The following TENM4 variants were observed in gnomAD, a reference collection of about 807,000 sequenced individuals.
TENM4 encodes the protein teneurin-4.
In TENM4, 82 loss-of-function variants were observed where a neutral mutation model predicts 243.3. The ratio of observed to expected loss-of-function variants is 0.34; its 90% confidence interval spans 0.28 to 0.40. TENM4 has a LOEUF of 0.40. Ranked by LOEUF, TENM4 falls within the 10% of genes least tolerant of loss-of-function variation. The pLI, the probability that TENM4 is intolerant of heterozygous loss-of-function variation, is 1.00. For missense variants in TENM4, 3,138 were observed against 3,673.3 expected (o/e 0.85, Z 3.77); for synonymous variants, 1,412 against 1,456.3 (o/e 0.97, Z 0.69).
intron 1 of TENM4, among the ~76,000 whole-genome samples, chr11:79,393,383 A>G (rs184302927): frequency 1.3e-5 from 2 of 152,226 alleles, no homozygotes; most frequent in East Asian, 3.9e-4. Flanking sequence ...CCTCATCTTC[A>G]CACTAAGTTA....
intron 2 of TENM4, among the ~76,000 whole-genome samples, chr11:79,297,200 C>A (rs1856469527): frequency 6.6e-6 from 1 of 152,194 alleles, no homozygotes; most frequent in Non-Finnish European, 1.5e-5. Flanking sequence ...ATAAGCCCCA[C>A]TATTCCCAGA....
chr11:78,776,307 TG>T (rs1301651312), intron 17 of TENM4, among the ~76,000 whole-genome samples: 2 of 152,160 alleles, frequency 1.3e-5, no homozygotes, highest in Non-Finnish European at 2.9e-5. Context: ...TCCAAGTTAG[TG>T]GGGTGGTTAC....
intron 6 of TENM4, among the ~76,000 whole-genome samples, chr11:78,982,585 G>A (rs1857824037): frequency 6.6e-6 from 1 of 152,150 alleles, no homozygotes; most frequent in African/African-American, 2.4e-5. Flanking sequence ...AATAGGCCCT[G>A]TGGCCCAGGG....
At position 78,669,620 on chromosome 11, in the gene TENM4, CG is replaced by C; in HGVS notation, c.6724del (p.Arg2242AlafsTer20). 3 of 1,613,924 alleles carry C rather than the reference CG, an allele frequency of 1.9e-6. No homozygotes were observed. The highest frequency in any genetic ancestry group is 2.5e-6 in the Non-Finnish European group (3 of 1,179,896). On this transcript the variant is annotated frameshift_variant, in exon 32 of 34. Coordinates refer to ENST00000278550, the MANE Select transcript of TENM4 (RefSeq NM_001098816.3). LOFTEE classifies it high-confidence loss of function. This position sits in a 1 kb window ranked among gnomAD's most constrained non-coding sequence, Gnocchi z 6.4. ...GTCACCCAGCCGAGTGATGCGGTCG[CG>C]GATGTCATACCGTAGTGGTGTGAGC... is the stretch of plus-strand genomic sequence containing the variant. ...ARLTPLRYDI[R>X]DRITRLGDVQ...
chr11:79,221,725 T>C (rs1177924952), intron 2 of TENM4, among the ~76,000 whole-genome samples: 1 of 152,178 alleles, frequency 6.6e-6, no homozygotes, highest in African/African-American at 2.4e-5. Context: ...TGCATATTTT[T>C]AATGCACACA....
intron 21 of TENM4, among the ~76,000 whole-genome samples, chr11:78,730,544 G>A (rs762018903): frequency 6.6e-6 from 1 of 152,134 alleles, no homozygotes; most frequent in Admixed American, 6.5e-5. Flanking sequence ...CCCGGGGAAC[G>A]CTCAGGTCAC....
intron 22 of TENM4, among the ~76,000 whole-genome samples, chr11:78,727,223 C>T (rs1053317418): frequency 4.6e-5 from 7 of 152,036 alleles, no homozygotes; most frequent in South Asian, 4.1e-4. Context: ...CCGAGGCGGG[C>T]GGATCACGAG....
chr11:78,990,122 C>A (rs1370480970), intron 6 of TENM4, among the ~76,000 whole-genome samples: 1 of 151,476 alleles, frequency 6.6e-6, no homozygotes. Flanking sequence ...CCCAGGGTCA[C>A]TTTAGAACTT....
At chr11:79,229,209 C>T (rs1325874170) in intron 2 of TENM4, among the ~76,000 whole-genome samples, 3 of 152,214 alleles carry the variant, frequency 2.0e-5, no homozygotes, top group Non-Finnish European at 4.4e-5. Context: ...CCTACTGGGC[C>T]CCTGGCCAAA....
chr11:78,815,469 GA>G (rs1267127862), intron 12 of TENM4, among the ~76,000 whole-genome samples: 2 of 152,162 alleles, frequency 1.3e-5, no homozygotes, highest in African/African-American at 4.8e-5. Flanking sequence ...CCCTTTTGCA[GA>G]GATGTTCCTT....
intron 4 of TENM4, among the ~76,000 whole-genome samples, chr11:79,124,756 A>AATAT (rs59360725): frequency 0.034 from 4,491 of 133,768 alleles, 101 homozygotes; most frequent in East Asian, 0.064. Context: ...GAACTAATCA[A>AATAT]ATATATATAT....
At chr11:78,675,014 C>A (rs929419775) in intron 30 of TENM4, among the ~76,000 whole-genome samples, 1 of 151,930 alleles carries the variant, frequency 6.6e-6, no homozygotes, top group Non-Finnish European at 1.5e-5. Context: ...TACTGGTGTC[C>A]CCCATCATAC....
intron 2 of TENM4, among the ~76,000 whole-genome samples, chr11:79,248,683 G>A (rs551772360): frequency 4.6e-5 from 7 of 152,338 alleles, no homozygotes; most frequent in Non-Finnish European, 8.8e-5. Context: ...CTTCACAAGA[G>A]ACCTTTGAGT....
chr11:79,176,083 C>A (rs1032441766), intron 3 of TENM4, among the ~76,000 whole-genome samples: 4 of 152,136 alleles, frequency 2.6e-5, no homozygotes, highest in African/African-American at 7.2e-5. Context: ...CAGAGGAAGA[C>A]CCTGCCTCAA....
chr11:79,138,593 A>G (rs1862172192), intron 4 of TENM4, among the ~76,000 whole-genome samples: 1 of 93,566 alleles, frequency 1.1e-5, no homozygotes, highest in African/African-American at 5.2e-5. Context: ...AATACATAAA[A>G]CATATATTAT....
chr11:78,722,627 C>T, intron 24 of TENM4, 41 bp downstream of exon 24: 3 of 1,591,852 alleles, frequency 1.9e-6, no homozygotes, highest in Non-Finnish European at 2.6e-6. Flanking sequence ...ATGGCAAAGG[C>T]ATATTATTAG....
At chr11:79,388,924 C>T (rs1031552581) in intron 1 of TENM4, among the ~76,000 whole-genome samples, 3 of 152,118 alleles carry the variant, frequency 2.0e-5, no homozygotes, top group African/African-American at 7.2e-5. Flanking sequence ...ACAGTGTGAG[C>T]CAAACCCAGA....
chr11:79,190,085 T>G (rs1863450109), intron 3 of TENM4, among the ~76,000 whole-genome samples: 1 of 152,224 alleles, frequency 6.6e-6, no homozygotes, highest in Non-Finnish European at 1.5e-5. Context: ...GTGCTCCTAC[T>G]GCAGCTTGAA....
intron 6 of TENM4, among the ~76,000 whole-genome samples, chr11:79,064,147 G>GA (rs1860176372): frequency 6.6e-6 from 1 of 152,040 alleles, no homozygotes; most frequent in South Asian, 2.1e-4. Context: ...AATATATAAT[G>GA]TATTATTATT....
Sources: allele counts gnomAD v4.1 joint callset (sites outside exome capture counted in the v4.1 genomes callset), GRCh38; gene constraint gnomAD v4.1.1; non-coding constraint Gnocchi (gnomAD v3.1); transcripts MANE v1.5; gene names NCBI Gene and HGNC (gene_info 2026-07-23, HGNC 2026-07-21).